The following NCOR2 variants were observed in gnomAD, a reference collection of about 807,000 sequenced individuals.
NCOR2 encodes nuclear receptor corepressor 2, also known as CTG repeat protein 26.
A neutral mutation model predicts 262.9 loss-of-function variants in NCOR2; 81 were observed. The ratio of observed to expected loss-of-function variants is 0.31; its 90% CI spans 0.26 to 0.37. The LOEUF (loss-of-function observed/expected upper bound fraction) is 0.37. Among genes scored for constraint, NCOR2 ranks in the 10% least tolerant of loss-of-function variants. The probability of loss-of-function intolerance (pLI) is 1.00; values close to 1 mark genes in which losing one functional copy is unlikely to be tolerated. For synonymous variants in NCOR2, 1,659 were observed against 1,559.3 expected (o/e 1.06, Z -1.51); for missense variants, 3,385 against 3,621.4 (o/e 0.93, Z 1.68).
chr12:124,338,806 C>T (rs978682978), intron 37 of NCOR2, among the ~76,000 whole-genome samples: 5 of 152,032 alleles, frequency 3.3e-5, no homozygotes, highest in Non-Finnish European at 2.9e-5. Flanking sequence ...CTCATCCCAC[C>T]GCCCAACTCA....
chr12:124,466,895 G>A (rs2046442548), intron 4 of NCOR2, among the ~76,000 whole-genome samples: 1 of 151,920 alleles, frequency 6.6e-6, no homozygotes, highest in South Asian at 2.1e-4. Context: ...GGTGAAATGA[G>A]CTCATGATGC....
At chr12:124,337,486 C>T (rs956924565) in intron 37 of NCOR2, among the ~76,000 whole-genome samples, 2 of 152,226 alleles carry the variant, frequency 1.3e-5, no homozygotes, top group African/African-American at 4.8e-5. Flanking sequence ...CCATCTAATT[C>T]AGAAAACAGA....
chr12:124,338,542 G>A (rs1014895838), intron 37 of NCOR2, among the ~76,000 whole-genome samples: 1 of 151,378 alleles, frequency 6.6e-6, no homozygotes, highest in African/African-American at 2.4e-5. Flanking sequence ...GGCAGGGAAG[G>A]GTGTTGAGGT....
intron 8 of NCOR2, 28 bp downstream of exon 10, chr12:124,437,902 G>C: frequency 6.2e-7 from 1 of 1,601,724 alleles, no homozygotes. Context: ...CTCAAGGAAA[G>C]CTGATGGGGG....
chr12:124,528,519 G>C (rs1310382222), intron 1 of NCOR2, among the ~76,000 whole-genome samples: 1 of 152,152 alleles, frequency 6.6e-6, no homozygotes, highest in African/African-American at 2.4e-5. Context: ...GGCAGGTGTG[G>C]TTTTGCCCAA....
chr12:124,527,567 G>A (rs997298287), intron 1 of NCOR2, among the ~76,000 whole-genome samples: 6 of 152,012 alleles, frequency 3.9e-5, no homozygotes, highest in Non-Finnish European at 8.8e-5. Context: ...ACAGGCGCCC[G>A]CCACCACGCC....
intron 44 of NCOR2, chr12:124,329,082 A>AT: frequency 2.1e-6 from 1 of 469,890 alleles, no homozygotes; most frequent in Non-Finnish European, 4.4e-6. Context: ...AACGATCTCC[A>AT]TTTATAAAGG....
intron 13 of NCOR2, 144 bp downstream of exon 15, chr12:124,419,813 C>G (rs570817176): frequency 3.7e-5 from 27 of 734,636 alleles, no homozygotes; most frequent in Non-Finnish European, 5.5e-5. Flanking sequence ...CGGAGGGGAG[C>G]CTGCACTCAC....
In NCOR2 at chr12:124,457,025, G is replaced by A. The variant is rs1454867411; in HGVS notation, c.762+81C>T. On this transcript the variant is annotated intron_variant, in intron 6 of 46. Coordinates refer to ENST00000405201, the Ensembl canonical transcript of NCOR2. This position sits in a 1 kb window ranked among gnomAD's most constrained non-coding sequence, Gnocchi z 4.0. ...TTGGTAATAGATGACTTCCTCCTCCGCCGCACCCTCCCGCCTCCCTGCCCA... is the reference window on the plus strand; with the variant it reads ...TTGGTAATAGATGACTTCCTCCTCCACCGCACCCTCCCGCCTCCCTGCCCA... 5 of 1,130,536 alleles carry A rather than the reference G, an allele frequency of 4.4e-6. No homozygotes were observed. In the South Asian group the frequency reaches 5.0e-5, roughly 11 times the overall value. 70.0% of individuals were successfully genotyped at this position (1,130,536 alleles called of 1,614,324 possible).
chr12:124,449,418 A>G (rs1174442498), intron 7 of NCOR2, among the ~76,000 whole-genome samples: 1 of 151,934 alleles, frequency 6.6e-6, no homozygotes. Context: ...AGCCCAAAAC[A>G]CCAGGCCCCC....
intron 43 of NCOR2, 100 bp from the exon 46 acceptor site, chr12:124,330,998 G>A: frequency 4.7e-6 from 6 of 1,276,806 alleles, no homozygotes; most frequent in Non-Finnish European, 5.5e-6. Flanking sequence ...GGCATCACCT[G>A]GGGAAACTTG....
Position 124,483,896 on chromosome 12 carries a change from A to G in NCOR2, c.234-123T>C. 8.6e-7 allele frequency: 1 copy of G among 1,167,470 alleles called. No individual in the cohort carries two copies. Among genetic ancestry groups the G allele is most frequent in the Non-Finnish European group, 1.1e-6 (1 of 874,338 alleles). The allele number at this position is 1,167,470 out of a possible 1,614,324, so 72.3% of individuals were successfully genotyped here. A position where few individuals can be genotyped will look rare whatever the true frequency, so the allele number is the denominator to read the frequency against. On this transcript the variant is annotated intron_variant, in intron 2 of 46. Coordinates refer to ENST00000405201, the Ensembl canonical transcript of NCOR2. This position sits in a 1 kb window ranked among gnomAD's most constrained non-coding sequence, Gnocchi z 6.3. ...CGTGCTCTGTATGATCCTGCCAGGAAGGTGCTCACAGGAGCCCACCTCCCA... is the reference window on the plus strand; with the variant it reads ...CGTGCTCTGTATGATCCTGCCAGGAGGGTGCTCACAGGAGCCCACCTCCCA...
chr12:124,500,968 A>G (rs1358621732), intron 1 of NCOR2, among the ~76,000 whole-genome samples: 2 of 152,052 alleles, frequency 1.3e-5, no homozygotes, highest in African/African-American at 2.4e-5. Flanking sequence ...GGGTGCTGAC[A>G]TTGGAAGAAC....
intron 7 of NCOR2, among the ~76,000 whole-genome samples, chr12:124,445,697 T>C (rs2136470285): frequency 6.6e-6 from 1 of 152,304 alleles, no homozygotes; most frequent in Non-Finnish European, 1.5e-5. Context: ...CGGCAGTCAC[T>C]TATCACAATG....
At chr12:124,394,316 A>T (rs577972788) in intron 16 of NCOR2, among the ~76,000 whole-genome samples, 14 of 152,330 alleles carry the variant, frequency 9.2e-5, no homozygotes, top group Admixed American at 3.3e-4. Context: ...GGCCAAGGTC[A>T]GGGGGCTAAG....
At chr12:124,416,854 A>T (rs945016503) in intron 13 of NCOR2, among the ~76,000 whole-genome samples, 1 of 144,974 alleles carries the variant, frequency 6.9e-6, no homozygotes, top group Non-Finnish European at 1.5e-5. Flanking sequence ...GCCCAGGGAG[A>T]CCCCGTGGCA....
At chr12:124,381,549 G>A (rs998698540) in intron 17 of NCOR2, among the ~76,000 whole-genome samples, 27 of 152,196 alleles carry the variant, frequency 1.8e-4, no homozygotes, top group Admixed American at 1.6e-3. Flanking sequence ...CAGAACAGAC[G>A]CTCTGTAACT....
chr12:124,422,654 G>T, intron 11 of NCOR2, 99 bp from the exon 14 acceptor site: 1 of 1,439,340 alleles, frequency 6.9e-7, no homozygotes. Flanking sequence ...CACTGGCCGG[G>T]CCTGGCGGGC....
At chr12:124,338,563 C>A (rs1394443895) in intron 37 of NCOR2, among the ~76,000 whole-genome samples, 1 of 151,656 alleles carries the variant, frequency 6.6e-6, no homozygotes, top group African/African-American at 2.4e-5. Context: ...GTGACCCCAC[C>A]CCCCTGGTGA....
Sources: allele counts gnomAD v4.1 joint callset (sites outside exome capture counted in the v4.1 genomes callset), GRCh38; gene constraint gnomAD v4.1.1; non-coding constraint Gnocchi (gnomAD v3.1); transcripts MANE v1.5; gene names NCBI Gene and HGNC (gene_info 2026-07-23, HGNC 2026-07-21).